Variants in MYO5B observed in about 807,000 individuals in gnomAD.
MYO5B encodes the protein myosin VB, also known as unconventional myosin-Vb.
Under a neutral mutation model 229.3 loss-of-function variants are expected in MYO5B, and 143 were observed. The ratio of observed to expected loss-of-function variants is 0.62; its 90% CI spans 0.54 to 0.72. The LOEUF is 0.72. Among genes scored for constraint, MYO5B ranks in the 30% least tolerant of loss-of-function variants. MYO5B has a pLI of 0.00. For synonymous variants in MYO5B, 918 were observed against 885.2 expected (o/e 1.04, Z -0.66); for missense variants, 2,321 against 2,331.0 (o/e 1.00, Z 0.09).
At chr18:50,021,681 A>T (rs1399338834) in intron 4 of MYO5B, among the ~76,000 whole-genome samples, 1 of 142,360 alleles carries the variant, frequency 7.0e-6, no homozygotes, top group Non-Finnish European at 1.5e-5. Flanking sequence ...TGCCCAATCT[A>T]TGTGGTCCTT....
intron 22 of MYO5B, among the ~76,000 whole-genome samples, chr18:49,886,372 A>C (rs2024642090): frequency 6.6e-6 from 1 of 152,188 alleles, no homozygotes; most frequent in African/African-American, 2.4e-5. Flanking sequence ...TACAAGAAGG[A>C]GGCTCTGACA....
chr18:50,125,300 C>G (rs571346889), intron 1 of MYO5B, among the ~76,000 whole-genome samples: 2 of 147,506 alleles, frequency 1.4e-5, no homozygotes, highest in African/African-American at 5.0e-5. Flanking sequence ...CATGTTCTCA[C>G]TCATGGTGGG....
intron 4 of MYO5B, among the ~76,000 whole-genome samples, chr18:50,007,484 C>G (rs1187786783): frequency 6.6e-6 from 1 of 152,184 alleles, no homozygotes; most frequent in East Asian, 1.9e-4. Flanking sequence ...AACATCGGAC[C>G]ATTCTTCTCC....
intron 16 of MYO5B, among the ~76,000 whole-genome samples, chr18:49,936,045 T>G (rs530633890): frequency 1.1e-4 from 16 of 152,374 alleles, no homozygotes; most frequent in African/African-American, 2.9e-4. Context: ...AACGGCATTT[T>G]TTCTCTTAAG....
intron 1 of MYO5B, among the ~76,000 whole-genome samples, chr18:50,073,571 G>A (rs2031009228): frequency 6.6e-6 from 1 of 152,080 alleles, no homozygotes; most frequent in Non-Finnish European, 1.5e-5. Flanking sequence ...ACATAATCCT[G>A]CTGGGATCTT....
chr18:49,929,993 T>G (rs1193598239), intron 16 of MYO5B, among the ~76,000 whole-genome samples: 1 of 152,226 alleles, frequency 6.6e-6, no homozygotes, highest in Non-Finnish European at 1.5e-5. Flanking sequence ...CATATATGCT[T>G]AGCCCCATTA....
rs140356530 is a variant in MYO5B, at chr18:49,854,351, CTT to C, written c.4023-706_4023-705del. ...GATCTTGCAAAGATTGAGGAGAAGT[CTT>C]ATAACATTCTGAGTCAAAAGGCCCA... is the stretch of plus-strand genomic sequence containing the variant. On this transcript the variant is annotated intron_variant, in intron 30 of 39. Coordinates refer to ENST00000285039, the MANE Select transcript of MYO5B (RefSeq NM_001080467.3). Among the ~76,000 whole-genome samples, 1,038 of 152,258 alleles carry C rather than the reference CTT, an allele frequency of 6.8e-3. 12 individuals carry two copies. Among genetic ancestry groups the C allele is most frequent in the African/African-American group, 0.023 (940 of 41,542 alleles).
chr18:50,098,648 A>T (rs1259109954), intron 1 of MYO5B: 1 of 152,324 alleles, frequency 6.6e-6, no homozygotes, highest in Non-Finnish European at 1.5e-5. Flanking sequence ...ATGCAGAAGA[A>T]AAAGAAAGTC....
At chr18:50,033,750 T>C (rs1281181481) in intron 4 of MYO5B, among the ~76,000 whole-genome samples, 3 of 152,256 alleles carry the variant, frequency 2.0e-5, no homozygotes, top group Non-Finnish European at 2.9e-5. Context: ...TGACGTTTCA[T>C]AGGATTTTAA....
In MYO5B at chr18:49,932,768, A is replaced by G. The variant is rs77397500; in HGVS notation, c.2004-3170T>C. Among the ~76,000 whole-genome samples, 92 of 152,296 alleles carry G rather than the reference A, an allele frequency of 6.0e-4. 1 individual carries two copies. Among genetic ancestry groups the G allele is most frequent in the Non-Finnish European group, 1.0e-3 (68 of 68,026 alleles). ...ATTGCCATCATCTTTCCCTGTTCAC[A>G]TATCCCAAGGGGATATGGGAGGCCA... On this transcript the variant is annotated intron_variant, in intron 16 of 39. Transcript: ENST00000285039.
chr18:49,973,495 T>C (rs889638892), intron 10 of MYO5B, among the ~76,000 whole-genome samples: 1 of 152,230 alleles, frequency 6.6e-6, no homozygotes, highest in African/African-American at 2.4e-5. Flanking sequence ...TAAGATGCCA[T>C]GACTTCTATA....
chr18:49,879,182 C>A, intron 23 of MYO5B, 92 bp from the exon 24 acceptor site: 1 of 1,523,200 alleles, frequency 6.6e-7, no homozygotes, highest in African/African-American at 1.4e-5. Context: ...TGTTAAGAGG[C>A]TGCCCATGAC....
intron 33 of MYO5B, among the ~76,000 whole-genome samples, chr18:49,845,551 G>T (rs1001227799): frequency 1.3e-5 from 2 of 152,194 alleles, no homozygotes; most frequent in Non-Finnish European, 2.9e-5. Context: ...GAAGGGTTTT[G>T]CAGTTTTAAC....
chr18:50,147,895 C>T (rs577804478), intron 1 of MYO5B, among the ~76,000 whole-genome samples: 13 of 151,952 alleles, frequency 8.6e-5, no homozygotes, highest in African/African-American at 2.2e-4. Context: ...CCAGCATTAG[C>T]GGATGTGAAA....
chr18:49,938,657 G>A (rs1026649697), intron 14 of MYO5B, among the ~76,000 whole-genome samples: 1 of 152,012 alleles, frequency 6.6e-6, no homozygotes, highest in Non-Finnish European at 1.5e-5. Context: ...TCTAGTGTCT[G>A]AGGACTCCCT....
chr18:49,952,056 G>T (rs1347874842), intron 14 of MYO5B, among the ~76,000 whole-genome samples: 1 of 152,198 alleles, frequency 6.6e-6, no homozygotes, highest in East Asian at 1.9e-4. Context: ...GATATCCAGA[G>T]ATCACACTGG....
intron 16 of MYO5B, among the ~76,000 whole-genome samples, chr18:49,931,490 A>G (rs971915232): frequency 1.3e-5 from 2 of 152,236 alleles, no homozygotes; most frequent in African/African-American, 4.8e-5. Flanking sequence ...CTCTGAACAA[A>G]ACATTTCCTT....
chr18:50,136,324 A>AGGT (rs2032333864), intron 1 of MYO5B, among the ~76,000 whole-genome samples: 1 of 152,094 alleles, frequency 6.6e-6, no homozygotes, highest in African/African-American at 2.4e-5. Context: ...TAGTCTCTGA[A>AGGT]AGGACATCAA....
chr18:49,839,239 T>G lies in MYO5B; in HGVS notation c.4757A>C (p.Asp1586Ala). 6.2e-7 allele frequency: 1 copy of G among 1,614,074 alleles called. No homozygotes were observed. The highest frequency in any genetic ancestry group is 8.5e-7 in the Non-Finnish European group (1 of 1,180,008). The change falls in exon 36 of 40, where the codon GAC (aspartate) becomes GCC (alanine). Residue 1586 changes from aspartate (D) to alanine (A), a missense_variant. Around this residue, in one of 2 missense-constraint regions of MYO5B, gnomAD observed 2,113 missense variants for 2,044.7 expected, o/e 1.03. Coordinates refer to ENST00000285039, the MANE Select transcript of MYO5B (RefSeq NM_001080467.3). ...CAGCACCTGACGGTATTCGGTGAGG[T>G]CAAAATTCTTAAGACAGTGTTCATT... is the stretch of plus-strand genomic sequence containing the variant. ...KQNEHCLKNF[D>A]LTEYRQVLSD...
Sources: allele counts gnomAD v4.1 joint callset (sites outside exome capture counted in the v4.1 genomes callset), GRCh38; gene constraint gnomAD v4.1.1; regional missense constraint gnomAD v4.1.1; transcripts MANE v1.5; gene names NCBI Gene and HGNC (gene_info 2026-07-23, HGNC 2026-07-21).